RPS6KA4: variants seen among roughly 807,000 people sequenced by gnomAD.
RPS6KA4 encodes the protein ribosomal protein S6 kinase alpha-4.
In RPS6KA4, 38 loss-of-function variants were observed where a neutral mutation model predicts 89.6. The observed-to-expected ratio is 0.42, with a 90% CI of 0.33 to 0.56. The LOEUF (loss-of-function observed/expected upper bound fraction) is 0.56. RPS6KA4 is among the 20% of genes least tolerant of loss of function. The probability of loss-of-function intolerance (pLI) is 0.07; values close to 1 mark genes in which losing one functional copy is unlikely to be tolerated. For missense variants in RPS6KA4, 873 were observed against 1,098.8 expected (o/e 0.79, Z 2.90); for synonymous variants, 495 against 492.8 (o/e 1.00, Z -0.06).
In RPS6KA4 at chr11:64,359,444, C is replaced by T. The variant is rs767831211; in HGVS notation, c.122C>T (p.Thr41Met). 3 of 1,613,326 alleles carry T rather than the reference C, an allele frequency of 1.9e-6. No individual in the cohort carries two copies. Among genetic ancestry groups the T allele is most frequent in the Admixed American group, 3.3e-5 (2 of 59,966 alleles). The change falls in exon 2 of 17, where the codon ACG becomes ATG. Residue 41 changes from threonine to methionine, a missense_variant. This residue lies in a region of RPS6KA4 where 4 missense variants were observed against 25.7 expected (regional missense o/e 0.16). Coordinates refer to ENST00000334205, the MANE Select transcript of RPS6KA4 (RefSeq NM_003942.3). ...TTCGAGCTGCTCAAGGTGCTGGGCA[C>T]GGGAGGTGAGGACCCCCATCCACCG... The part of the protein sequence containing the change: ...ENFELLKVLG[T>M]GAYGKVFLVR...
chr11:64,360,588 A>G lies in RPS6KA4; in HGVS notation c.458A>G (p.His153Arg). ...GEIVLALEHL[H>R]KLGIIYRDLK... ...ATCGTGCTGGCCCTGGAACACCTGC[A>G]CAAGGTGGGTGAAGACCTGGCCGCA... is the stretch of plus-strand genomic sequence containing the variant. Residue 153 changes from histidine (H) to arginine (R), a missense_variant, in exon 4 of 17, where the codon CAC becomes CGC. By Grantham distance (29) the His-to-Arg change is conservative (BLOSUM62 0). This residue lies in a region of RPS6KA4 where 542 missense variants were observed against 736.4 expected (regional missense o/e 0.74). Coordinates refer to ENST00000334205, the MANE Select transcript of RPS6KA4 (RefSeq NM_003942.3). The G allele has an allele frequency of 6.2e-7, 1 of 1,603,078 alleles. No individual in the cohort carries two copies. Among genetic ancestry groups the G allele is most frequent in the Non-Finnish European group, 8.5e-7 (1 of 1,174,846 alleles).
chr11:64,360,544 G>A lies in RPS6KA4; in HGVS notation c.414G>A (p.Val138=). The A allele has an allele frequency of 1.2e-6, 2 of 1,612,408 alleles. No individual in the cohort carries two copies. Among genetic ancestry groups the A allele is most frequent in the Non-Finnish European group, 8.5e-7 (1 of 1,179,336 alleles). Residue 138 remains valine, a synonymous_variant, in exon 4 of 17, where the codon GTG becomes GTA. Coordinates refer to ENST00000334205, the MANE Select transcript of RPS6KA4 (RefSeq NM_003942.3). ...GCCAGTACTTCAAGGAGGCTGAGGT[G>A]CGCGTGTATGGGGGTGAGATCGTGC... ...YQRQYFKEAE[V]RVYGGEIVLA... is the part of the protein sequence containing the mutation.
chr11:64,365,311 G>T lies in RPS6KA4; in HGVS notation c.917G>T (p.Trp306Leu), dbSNP rs1276336560. Reference protein sequence around the residue: ...RNHPFFQGLDWVALAARKIPA... With the variant: ...RNHPFFQGLDLVALAARKIPA... ...ATTCCCTTCCCTCAGGGCCTCGATT[G>T]GGTGGCTCTGGCTGCCAGGAAGATT... is the stretch of plus-strand genomic sequence containing the variant. Residue 306 changes from tryptophan to leucine, a missense_variant, in exon 9 of 17, where the codon TGG (tryptophan) becomes TTG (leucine). By Grantham distance (61) the Trp-to-Leu change is moderately conservative. Coordinates refer to ENST00000334205, the MANE Select transcript of RPS6KA4 (RefSeq NM_003942.3). The T allele has an allele frequency of 4.3e-6, 7 of 1,613,278 alleles. No homozygotes were observed. Among genetic ancestry groups the T allele is most frequent in the Non-Finnish European group, 5.9e-6 (7 of 1,179,538 alleles).
Position 64,371,372 on chromosome 11 carries a change from C to G in RPS6KA4, c.2211C>G (p.Ser737Arg). ...AGCGGCGGAAGCAGAAGCTGCGGAG[C>G]GCCACCGCCTCCCGCCGGGGCTCCC... is the stretch of plus-strand genomic sequence containing the variant. ...LAKRRKQKLR[S>R]ATASRRGSPA... The change falls in exon 17 of 17, where the codon AGC (serine) becomes AGG (arginine). Residue 737 changes from serine (S) to arginine (R), a missense_variant. Coordinates refer to ENST00000334205, the MANE Select transcript of RPS6KA4 (RefSeq NM_003942.3). The G allele has an allele frequency of 1.2e-6, 2 of 1,612,426 alleles. No individual in the cohort carries two copies. The highest frequency in any genetic ancestry group is 1.7e-6 in the Non-Finnish European group (2 of 1,179,742).
intron 9 of RPS6KA4, among the ~76,000 whole-genome samples, chr11:64,365,720 TG>T (rs1368534033): frequency 6.6e-6 from 1 of 152,188 alleles, no homozygotes; most frequent in Non-Finnish European, 1.5e-5. Flanking sequence ...ATCTCTTTAT[TG>T]TTATGTAAAA....
At chr11:64,362,186 T>G (rs998861107) in intron 8 of RPS6KA4, among the ~76,000 whole-genome samples, 184 bp downstream of exon 8, 4 of 152,228 alleles carry the variant, frequency 2.6e-5, no homozygotes, top group Non-Finnish European at 5.9e-5. Flanking sequence ...GATGTGTTCC[T>G]GAAAGAAAGG....
rs1424672925 is a variant in RPS6KA4, at chr11:64,368,615, G to A, written c.1334+14G>A. Reference sequence around the variant, plus strand: ...CCTCAGTCGCAGGTGGGAGGGCCCAGGCGCGGGCAGGGGTGGGGGTGGCAG... The same window carrying A: ...CCTCAGTCGCAGGTGGGAGGGCCCAAGCGCGGGCAGGGGTGGGGGTGGCAG... On this transcript the variant is annotated intron_variant, in intron 11 of 16. Coordinates refer to ENST00000334205, the MANE Select transcript of RPS6KA4 (RefSeq NM_003942.3). The A allele has an allele frequency of 6.3e-7, 1 of 1,592,064 alleles. No individual in the cohort carries two copies. The highest frequency in any genetic ancestry group is 1.3e-5 in the African/African-American group (1 of 74,744).
At chr11:64,366,869 G>C (rs566947734) in intron 9 of RPS6KA4, among the ~76,000 whole-genome samples, 25 of 152,236 alleles carry the variant, frequency 1.6e-4, no homozygotes, top group African/African-American at 5.8e-4. Flanking sequence ...AAACCAGTAT[G>C]GTTTGTTTAA....
At chr11:64,369,656 G>C (rs763253105) in intron 13 of RPS6KA4, 37 bp downstream of exon 13, 10 of 1,599,610 alleles carry the variant, frequency 6.3e-6, no homozygotes, top group African/African-American at 1.3e-5. Flanking sequence ...CGGAGCGGTG[G>C]CGCCGGGGGC....
Position 64,359,216 on chromosome 11 carries a change from G to C in RPS6KA4, c.-20G>C. The C allele has an allele frequency of 7.5e-7, 1 of 1,333,622 alleles. No homozygotes were observed. The highest frequency in any genetic ancestry group is 9.7e-7 in the Non-Finnish European group (1 of 1,033,338). 82.6% of individuals were successfully genotyped at this position (1,333,622 alleles called of 1,614,324 possible). On this transcript the variant is annotated 5_prime_UTR_variant, in exon 1 of 17. Coordinates refer to ENST00000334205, the MANE Select transcript of RPS6KA4 (RefSeq NM_003942.3). The stretch of plus-strand genomic sequence containing the variant: ...GCCGCCCGGAGCCCGAGCCGCGCGG[G>C]CCCCAGCGACCCGCCCGCCATGGGG...
At chr11:64,363,543 G>A (rs1160589885) in intron 8 of RPS6KA4, among the ~76,000 whole-genome samples, 1 of 151,880 alleles carries the variant, frequency 6.6e-6, no homozygotes, top group Non-Finnish European at 1.5e-5. Context: ...ATTTCCCAGA[G>A]TGCAGTGGCA....
In RPS6KA4 at chr11:64,371,238, G is replaced by C. The variant is rs138662282; in HGVS notation, c.2122-45G>C. The stretch of plus-strand genomic sequence containing the variant: ...GGAGGTCAAACTAGATCTGGAAGCC[G>C]GGGTCAGGCGGGGGTGGGGGCACTC... On this transcript the variant is annotated intron_variant, in intron 16 of 16. Transcript: ENST00000334205. 7.6e-6 allele frequency: 12 copies of C among 1,585,198 alleles called. No homozygotes were observed. In the South Asian group the frequency reaches 1.3e-4, roughly 18 times the overall value.
Position 64,369,688 on chromosome 11 carries a change from C to T in RPS6KA4, c.1603-11C>T. 5 of 1,603,714 alleles carry T rather than the reference C, an allele frequency of 3.1e-6. No individual in the cohort carries two copies. Among genetic ancestry groups the T allele is most frequent in the Non-Finnish European group, 4.3e-6 (5 of 1,173,850 alleles). ...GGGCTGCCTCTGACCACTACCCCGCCGCCCTCGCAGAACATCCTGTACGCC... is the reference window on the plus strand; with the variant it reads ...GGGCTGCCTCTGACCACTACCCCGCTGCCCTCGCAGAACATCCTGTACGCC... On this transcript the variant is annotated splice_polypyrimidine_tract_variant and intron_variant, in intron 13 of 16. Coordinates refer to ENST00000334205, the MANE Select transcript of RPS6KA4 (RefSeq NM_003942.3).
chr11:64,359,512 C>T (rs2036683367), intron 2 of RPS6KA4, 63 bp downstream of exon 2: 1 of 1,560,880 alleles, frequency 6.4e-7, no homozygotes, highest in Non-Finnish European at 8.8e-7. Context: ...CCTGCCTGCT[C>T]ACTCTTGGGC....
rs1591309070 is a variant in RPS6KA4, at chr11:64,360,253, T to G, written c.218T>G (p.Val73Gly). The part of the protein sequence containing the change: ...AMKVLRKAAL[V>G]QRAKTQEHTR... ...AAGGTGCTGCGCAAGGCGGCGCTGG[T>G]GCAGCGCGCCAAGACGCAAGAGCAC... The change falls in exon 3 of 17, where the codon GTG (valine) becomes GGG (glycine). Residue 73 changes from valine to glycine, a missense_variant. Physicochemically the swap from Val to Gly is moderately radical, Grantham distance 109. Transcript: ENST00000334205. The G allele has an allele frequency of 6.5e-7, 1 of 1,547,406 alleles. No homozygotes were observed. Among genetic ancestry groups the G allele is most frequent in the Non-Finnish European group, 8.7e-7 (1 of 1,146,302 alleles).
rs1172444066 is a variant in RPS6KA4 at position 64,360,535 on chromosome 11, G to A, written c.405G>A (p.Glu135=). Residue 135 remains glutamate, a synonymous_variant, in exon 4 of 17, where the codon GAG becomes GAA. Transcript: ENST00000334205. ...THLYQRQYFK[E]AEVRVYGGEI... is the part of the protein sequence containing the mutation. ...TCTACCAGCGCCAGTACTTCAAGGA[G>A]GCTGAGGTGCGCGTGTATGGGGGTG... The A allele has an allele frequency of 1.2e-6, 2 of 1,612,598 alleles. No homozygotes were observed. Among genetic ancestry groups the A allele is most frequent in the East Asian group, 4.5e-5 (2 of 44,856 alleles).
chr11:64,371,055 G>T (rs2037056139), intron 16 of RPS6KA4, among the ~76,000 whole-genome samples: 1 of 142,330 alleles, frequency 7.0e-6, no homozygotes, highest in Admixed American at 7.2e-5. Context: ...AGTGAGCTGA[G>T]ATTGCACCAC....
chr11:64,364,085 C>CTGCCGCAGTGTCTTCACAG (rs906014123), intron 8 of RPS6KA4, among the ~76,000 whole-genome samples: 11 of 152,102 alleles, frequency 7.2e-5, no homozygotes, highest in Admixed American at 5.2e-4. Flanking sequence ...CAGACCAGGG[C>CTGCCGCAGTGTCTTCACAG]TGCCGCAGTG....
Position 64,359,255 on chromosome 11 carries a change from A to G in RPS6KA4, c.20A>G (p.Asp7Gly), listed in dbSNP as rs941211750. Residue 7 changes from aspartate to glycine, a missense_variant, in exon 1 of 17, where the codon GAT becomes GGT. Coordinates refer to ENST00000334205, the MANE Select transcript of RPS6KA4 (RefSeq NM_003942.3). ...CCCGCCATGGGGGACGAGGACGACG[A>G]TGAGAGCTGCGCCGTGGAGCTGCGG... Reference protein sequence around the residue: MGDEDDDESCAVELRIT... With the variant: MGDEDDGESCAVELRIT... 23 of 1,460,222 alleles carry G rather than the reference A, an allele frequency of 1.6e-5. No homozygotes were observed. The highest frequency in any genetic ancestry group is 1.9e-5 in the Non-Finnish European group (21 of 1,097,368). The allele number at this position is 1,460,222 out of a possible 1,614,324, so 90.5% of individuals were successfully genotyped here. A position where few individuals can be genotyped will look rare whatever the true frequency, so the allele number is the denominator to read the frequency against.
Sources: gnomAD v4.1 joint callset for allele counts (sites outside exome capture counted in the v4.1 genomes callset) on GRCh38, gnomAD v4.1.1 for gene constraint, gnomAD v4.1.1 regional missense constraint, MANE v1.5 for transcripts, NCBI Gene and HGNC (gene_info 2026-07-23, HGNC 2026-07-21) for gene names.